The following RBFOX1 variants were observed in gnomAD, a reference collection of about 807,000 sequenced individuals.
The protein encoded by RBFOX1 is RNA binding protein fox-1 homolog 1.
RBFOX1 carries 8 observed loss-of-function variants against 57.7 expected under a neutral mutation model. The ratio of observed to expected loss-of-function variants is 0.14; its 90% confidence interval spans 0.08 to 0.25. The LOEUF is 0.25. RBFOX1 is among the 10% of genes least tolerant of loss of function. The probability of loss-of-function intolerance (pLI) is 1.00; values close to 1 mark genes in which losing one functional copy is unlikely to be tolerated. For missense variants in RBFOX1, 611 were observed against 548.5 expected, an observed-to-expected ratio of 1.11 and a Z score of -1.14; for synonymous variants, 326 against 222.4, an observed-to-expected ratio of 1.47 and a Z score of -4.15.
At chr16:5,374,229 C>T (rs769952389) in intron 1 of RBFOX1, among the ~76,000 whole-genome samples, 9 of 152,248 alleles carry the variant, frequency 5.9e-5, no homozygotes, top group Admixed American at 3.3e-4. Context: ...TGAGCCATTG[C>T]ACCTGGCTCG....
At chr16:5,950,450 T>C (rs775976547) in intron 4 of RBFOX1, among the ~76,000 whole-genome samples, 10 of 152,230 alleles carry the variant, frequency 6.6e-5, no homozygotes, top group Non-Finnish European at 1.3e-4. Context: ...CAAACTCTTA[T>C]GGTCATTCTT....
intron 3 of RBFOX1, among the ~76,000 whole-genome samples, chr16:6,759,473 C>CTCTCTGTGTGTG (rs758046729): frequency 7.0e-6 from 1 of 143,082 alleles, no homozygotes; most frequent in African/African-American, 2.7e-5. Flanking sequence ...TGTCAGTTGT[C>CTCTCTGTGTGTG]TGTGTGTGTG....
intron 1 of RBFOX1, among the ~76,000 whole-genome samples, chr16:5,373,805 T>C (rs961729751): frequency 2.0e-5 from 3 of 152,180 alleles, no homozygotes; most frequent in African/African-American, 7.2e-5. Context: ...GGTTTCACCA[T>C]ACTGGTCAGG....
chr16:6,931,279 A>ATCTG (rs372259389), intron 3 of RBFOX1, among the ~76,000 whole-genome samples: 236 of 141,032 alleles, frequency 1.7e-3, no homozygotes, highest in African/African-American at 4.2e-3. Context: ...AAATCTATCT[A>ATCTG]TCTGTCTGTC....
rs559160519 is a variant in RBFOX1 at position 6,057,723 on chromosome 16, G to T, written c.-127+37731G>T. Among the ~76,000 whole-genome samples, 5 of 151,780 alleles carry T rather than the reference G, an allele frequency of 3.3e-5. No individual in the cohort carries two copies. The South Asian group carries it at 1.0e-3, about 32-fold the overall frequency. ...GATGTTGGTGTCCTTGGAGTGCAAG[G>T]ATTATCTCCTGGGATAATGGAGGGG... On this transcript the variant is annotated intron_variant, in intron 1 of 15. Coordinates refer to ENST00000550418, the MANE Select transcript of RBFOX1 (RefSeq NM_018723.4).
At chr16:6,643,274 A>G (rs924124054) in intron 2 of RBFOX1, among the ~76,000 whole-genome samples, 1 of 152,186 alleles carries the variant, frequency 6.6e-6, no homozygotes, top group Non-Finnish European at 1.5e-5. Flanking sequence ...ATTTGCTCCC[A>G]TCTGCTGGCC....
At chr16:5,879,419 C>T (rs1038630217) in intron 4 of RBFOX1, among the ~76,000 whole-genome samples, 14 of 152,204 alleles carry the variant, frequency 9.2e-5, no homozygotes, top group Admixed American at 2.6e-4. Flanking sequence ...CAACCTCCGC[C>T]TCCCAGGTTC....
chr16:6,822,490 T>G (rs1330236946), intron 3 of RBFOX1, among the ~76,000 whole-genome samples: 1 of 152,184 alleles, frequency 6.6e-6, no homozygotes, highest in East Asian at 1.9e-4. Context: ...AACACATGCA[T>G]CAATCTGAGT....
chr16:7,693,512 C>G, intron 14 of RBFOX1: 1 of 635,986 alleles, frequency 1.6e-6, no homozygotes, highest in South Asian at 2.2e-5. Flanking sequence ...CTTTGGAGTA[C>G]AGCTGAAGCC....
rs138444821 is a variant in RBFOX1 at position 6,297,619 on chromosome 16, C to G, written c.-126-19376C>G. 7.0e-3 allele frequency among the ~76,000 whole-genome samples: 1,059 copies of G among 152,246 alleles called. 13 individuals are homozygous for G. The highest frequency in any genetic ancestry group is 0.025 in the African/African-American group (1,031 of 41,544). On this transcript the variant is annotated intron_variant, in intron 1 of 15. Coordinates refer to ENST00000550418, the MANE Select transcript of RBFOX1 (RefSeq NM_018723.4). ...AAGGCTTCACCCTCAAGCCTGGATA[C>G]TTGTGGCCTTAAATAGCAACAGACA...
intron 3 of RBFOX1, among the ~76,000 whole-genome samples, chr16:6,679,409 A>C (rs2058269995): frequency 6.6e-6 from 1 of 152,116 alleles, no homozygotes; most frequent in Non-Finnish European, 1.5e-5. Context: ...AGACTTCTCC[A>C]TGCTTGCTGC....
intron 4 of RBFOX1, among the ~76,000 whole-genome samples, chr16:7,513,564 T>C (rs2075687976): frequency 6.6e-6 from 1 of 152,174 alleles, no homozygotes; most frequent in Non-Finnish European, 1.5e-5. Flanking sequence ...CTCTGTAAGA[T>C]GTTTAGCAGC....
At chr16:6,749,590 C>T (rs938302397) in intron 3 of RBFOX1, among the ~76,000 whole-genome samples, 1 of 152,154 alleles carries the variant, frequency 6.6e-6, no homozygotes, top group Non-Finnish European at 1.5e-5. Flanking sequence ...CTTCTCTTTT[C>T]ATTCATTGCA....
intron 1 of RBFOX1, among the ~76,000 whole-genome samples, chr16:5,459,216 C>T (rs767767890): frequency 5.9e-5 from 9 of 152,174 alleles, no homozygotes; most frequent in Admixed American, 5.2e-4. Context: ...GCATGTAAAC[C>T]AGATATGACC....
chr16:5,984,720 G>A (rs2060246460), intron 4 of RBFOX1, among the ~76,000 whole-genome samples: 1 of 151,986 alleles, frequency 6.6e-6, no homozygotes, highest in African/African-American at 2.4e-5. Context: ...GAACATCACA[G>A]AAGGCACTTA....
intron 1 of RBFOX1, among the ~76,000 whole-genome samples, chr16:5,302,772 G>T (rs1290819639): frequency 6.6e-6 from 1 of 152,096 alleles, no homozygotes; most frequent in Non-Finnish European, 1.5e-5. Context: ...TGTTTGCATG[G>T]TATCTAAAAA....
intron 5 of RBFOX1, among the ~76,000 whole-genome samples, chr16:7,549,931 TTTC>T (rs2085811852): frequency 6.6e-6 from 1 of 152,084 alleles, no homozygotes; most frequent in Admixed American, 6.6e-5. Flanking sequence ...TCTTTTTCTT[TTTC>T]TTTTATTTTT....
chr16:6,987,544 C>T (rs368571422), intron 3 of RBFOX1, among the ~76,000 whole-genome samples: 58 of 151,918 alleles, frequency 3.8e-4, no homozygotes, highest in South Asian at 1.0e-3. Context: ...ATCATATACA[C>T]GGGCACATCT....
At chr16:5,405,948 A>G (rs2066853699) in intron 1 of RBFOX1, among the ~76,000 whole-genome samples, 1 of 152,134 alleles carries the variant, frequency 6.6e-6, no homozygotes, top group Non-Finnish European at 1.5e-5. Context: ...GGGAAGAGAG[A>G]ACATCGGGGA....
Sources: gnomAD v4.1 joint callset for allele counts (sites outside exome capture counted in the v4.1 genomes callset) on GRCh38, gnomAD v4.1.1 for gene constraint, MANE v1.5 for transcripts, NCBI Gene and HGNC (gene_info 2026-07-23, HGNC 2026-07-21) for gene names.